Variants in CNGA3 observed in about 807,000 individuals in gnomAD.
CNGA3 encodes cyclic nucleotide-gated channel alpha-3.
Under a neutral mutation model 46.6 loss-of-function variants are expected in CNGA3, and 42 were observed. The observed-to-expected ratio is 0.90, with a 90% confidence interval of 0.70 to 1.17. CNGA3 has a LOEUF of 1.17. Among genes scored for constraint, CNGA3 ranks in the 50% most tolerant of loss-of-function variants. CNGA3 has a pLI of 0.00. For missense variants in CNGA3, 893 were observed against 890.7 expected (o/e 1.00, Z -0.03); for synonymous variants, 394 against 369.4 (o/e 1.07, Z -0.76).
intron 2 of CNGA3, among the ~76,000 whole-genome samples, chr2:98,371,611 C>T (rs1322925935): frequency 6.6e-6 from 1 of 152,204 alleles, no homozygotes; most frequent in Non-Finnish European, 1.5e-5. Flanking sequence ...GATATGGCTT[C>T]AGAGGCATCA....
chr2:98,391,560 C>T (rs1240140194), intron 6 of CNGA3, among the ~76,000 whole-genome samples: 1 of 152,222 alleles, frequency 6.6e-6, no homozygotes, highest in Non-Finnish European at 1.5e-5. Context: ...CCTGACTCTG[C>T]CAGTGTGGCC....
Position 98,352,034 on chromosome 2 carries a change from T to C in CNGA3, c.-38+5500T>C, listed in dbSNP as rs147908800. Among the ~76,000 whole-genome samples the C allele has an allele frequency of 1.1e-4, 16 of 152,306 alleles. No individual in the cohort carries two copies. In the East Asian group the frequency reaches 2.7e-3, roughly 26 times the overall value. On this transcript the variant is annotated intron_variant, in intron 1 of 7. Coordinates refer to ENST00000272602, the MANE Select transcript of CNGA3 (RefSeq NM_001298.3). Reference sequence around the variant, plus strand: ...TCTTTCTCCTTCTCTCCACTCCTGCTCCAGGCAACCTCTACTCTACTTTCT... The same window carrying C: ...TCTTTCTCCTTCTCTCCACTCCTGCCCCAGGCAACCTCTACTCTACTTTCT...
intron 7 of CNGA3, among the ~76,000 whole-genome samples, chr2:98,394,426 A>T (rs1255232075): frequency 6.6e-6 from 1 of 152,138 alleles, no homozygotes; most frequent in Non-Finnish European, 1.5e-5. Flanking sequence ...GTTGTGCCCC[A>T]TTGCTGACTG....
intron 5 of CNGA3, 64 bp downstream of exon 5, chr2:98,383,505 C>A: frequency 6.5e-7 from 1 of 1,528,262 alleles, no homozygotes; most frequent in Non-Finnish European, 9.1e-7. Context: ...CATAGAAGCC[C>A]CAGCTTGGCC....
rs1692910510 is a variant in CNGA3 at position 98,396,279 on chromosome 2, C to T, written c.1109C>T (p.Pro370Leu). ...ACCCTTACCACCATTGGTGAGACCC[C>T]ACCCCCCGTGAAAGATGAGGAGTAT... is the stretch of plus-strand genomic sequence containing the variant. Reference protein sequence around the residue: ...TLTLTTIGETPPPVKDEEYLF... With the variant: ...TLTLTTIGETLPPVKDEEYLF... Residue 370 changes from proline to leucine, a missense_variant, in exon 8 of 8, where the codon CCA becomes CTA. By Grantham distance (98) the Pro-to-Leu change is moderately conservative (BLOSUM62 -3). Coordinates refer to ENST00000272602, the MANE Select transcript of CNGA3 (RefSeq NM_001298.3). 6.2e-7 allele frequency: 1 copy of T among 1,611,188 alleles called. No homozygotes were observed. Among genetic ancestry groups the T allele is most frequent in the Non-Finnish European group, 8.5e-7 (1 of 1,177,846 alleles).
intron 3 of CNGA3, 47 bp downstream of exon 3, chr2:98,377,847 G>C (rs766243119): frequency 2.6e-6 from 4 of 1,534,308 alleles, no homozygotes; most frequent in Non-Finnish European, 3.6e-6. Context: ...GGACACTGTT[G>C]CAGAAAGAAG....
In CNGA3 at chr2:98,395,722, C is replaced by A. The variant is rs893408442; in HGVS notation, c.674-122C>A. The A allele has an allele frequency of 1.2e-5, 9 of 775,108 alleles. No homozygotes were observed. The East Asian group carries it at 1.8e-4, about 16-fold the overall frequency. The allele number at this position is 775,108 out of a possible 1,614,324, so 48.0% of individuals were successfully genotyped here. A position where few individuals can be genotyped will look rare whatever the true frequency, so the allele number is the denominator to read the frequency against. Reference sequence around the variant, plus strand: ...TAATGGTAAGTGTTGTTTTTGAAATCATTTCTATTATATATGTATCACTGC... The same window carrying A: ...TAATGGTAAGTGTTGTTTTTGAAATAATTTCTATTATATATGTATCACTGC... On this transcript the variant is annotated intron_variant, in intron 7 of 7. Transcript: ENST00000272602.
chr2:98,382,700 T>C (rs1213484103), intron 4 of CNGA3, among the ~76,000 whole-genome samples: 1 of 152,226 alleles, frequency 6.6e-6, no homozygotes, highest in Non-Finnish European at 1.5e-5. Flanking sequence ...TAGAACATCA[T>C]GAAGTACTGC....
chr2:98,384,116 C>A (rs1485581922), intron 5 of CNGA3, among the ~76,000 whole-genome samples: 1 of 152,122 alleles, frequency 6.6e-6, no homozygotes, highest in East Asian at 1.9e-4. Context: ...GTCTCGACCT[C>A]CTGACCTCGT....
intron 1 of CNGA3, among the ~76,000 whole-genome samples, chr2:98,357,105 T>C (rs1464691010): frequency 6.6e-6 from 1 of 152,142 alleles, no homozygotes; most frequent in Admixed American, 6.6e-5. Flanking sequence ...ATGTGCCGGG[T>C]GTTTGAAGAA....
chr2:98,371,512 T>C (rs539636441), intron 2 of CNGA3, among the ~76,000 whole-genome samples: 2 of 152,332 alleles, frequency 1.3e-5, no homozygotes, highest in African/African-American at 4.8e-5. Context: ...TTCTGAGATT[T>C]CGGCAATGGA....
intron 2 of CNGA3, among the ~76,000 whole-genome samples, chr2:98,376,654 G>T (rs114610997): frequency 0.01 from 1,538 of 152,246 alleles, 27 homozygotes; most frequent in African/African-American, 0.035. Context: ...TCACCAGGGA[G>T]AGACTGAAGC....
chr2:98,348,605 C>T (rs981829385), intron 1 of CNGA3, among the ~76,000 whole-genome samples: 2 of 152,228 alleles, frequency 1.3e-5, no homozygotes, highest in African/African-American at 4.8e-5. Context: ...ACCTGAAACC[C>T]CTGCTAATCC....
chr2:98,393,755 C>G (rs1692845323), intron 7 of CNGA3, among the ~76,000 whole-genome samples: 1 of 152,046 alleles, frequency 6.6e-6, no homozygotes, highest in African/African-American at 2.4e-5. Context: ...AACCAAGATT[C>G]AGCAGGAAGC....
chr2:98,367,937 C>T (rs980566852), intron 1 of CNGA3, among the ~76,000 whole-genome samples: 2 of 152,204 alleles, frequency 1.3e-5, no homozygotes, highest in African/African-American at 4.8e-5. Flanking sequence ...TAGGGTAAGG[C>T]CCAAGCTCCT....
chr2:98,369,383 A>G (rs900377575), intron 1 of CNGA3, among the ~76,000 whole-genome samples: 9 of 152,246 alleles, frequency 5.9e-5, no homozygotes, highest in African/African-American at 2.2e-4. Flanking sequence ...AAATGGGAAT[A>G]AAAATAATAA....
rs115328757 is a variant in CNGA3 at position 98,366,970 on chromosome 2, C to T, written c.-37-2969C>T. Among the ~76,000 whole-genome samples the T allele has an allele frequency of 7.0e-3, 1,058 of 152,204 alleles. 16 individuals are homozygous for T. Among genetic ancestry groups the T allele is most frequent in the African/African-American group, 0.024 (979 of 41,524 alleles). The stretch of plus-strand genomic sequence containing the variant: ...CTGGGTAGGGTAGCACAATCACTCA[C>T]CGCCTCTTTTGGCTGAGAATGAGAG... On this transcript the variant is annotated intron_variant, in intron 1 of 7. Coordinates refer to ENST00000272602, the MANE Select transcript of CNGA3 (RefSeq NM_001298.3).
chr2:98,369,165 G>T (rs1018739382), intron 1 of CNGA3, among the ~76,000 whole-genome samples: 34 of 152,358 alleles, frequency 2.2e-4, no homozygotes, highest in Middle Eastern at 3.4e-3. Flanking sequence ...CCCAAGGCTA[G>T]TTCGGCCTAC....
At chr2:98,365,416 GA>G (rs113579392) in intron 1 of CNGA3, among the ~76,000 whole-genome samples, 29,080 of 151,978 alleles carry the variant, frequency 0.19, 3,153 homozygotes, top group Non-Finnish European at 0.26. Flanking sequence ...TACCTTATTG[GA>G]GTTCTCTGGA....
Sources: allele counts gnomAD v4.1 joint callset (sites outside exome capture counted in the v4.1 genomes callset), GRCh38; gene constraint gnomAD v4.1.1; transcripts MANE v1.5; gene names NCBI Gene and HGNC (gene_info 2026-07-23, HGNC 2026-07-21).